The following FUT9 variants were observed in gnomAD, a reference collection of about 807,000 sequenced individuals.
FUT9 encodes the protein 4-galactosyl-N-acetylglucosaminide 3-alpha-L-fucosyltransferase 9.
FUT9 carries 15 observed loss-of-function variants against 29.7 expected under a neutral mutation model. The ratio of observed to expected loss-of-function variants is 0.51; its 90% CI spans 0.34 to 0.78. FUT9 has a LOEUF of 0.78. FUT9 is among the 30% of genes least tolerant of loss of function. FUT9 has a pLI of 0.01. For synonymous variants in FUT9, 169 were observed against 153.7 expected (o/e 1.10, Z -0.74); for missense variants, 319 against 425.4 (o/e 0.75, Z 2.20).
At chr6:96,142,456 G>A (rs931003805) in intron 2 of FUT9, among the ~76,000 whole-genome samples, 2 of 152,156 alleles carry the variant, frequency 1.3e-5, no homozygotes, top group East Asian at 3.9e-4. Context: ...AAGTGAACAA[G>A]AGGCCAAATA....
chr6:96,204,765 C>T lies in FUT9; in HGVS notation c.*530C>T, dbSNP rs1773796601. ...ATCTATTTTTTTTACCTGTTTATCA[C>T]ATTTGTGAAGGTGAAATTATTCATG... On this transcript the variant is annotated 3_prime_UTR_variant, in exon 3 of 3. Transcript: ENST00000302103. The T allele has an allele frequency of 6.0e-6, 1 of 166,802 alleles. No individual in the cohort carries two copies. The highest frequency in any genetic ancestry group is 1.5e-5 in the Non-Finnish European group (1 of 68,056). The allele number at this position is 166,802 out of a possible 1,614,324, so 10.3% of individuals were successfully genotyped here.
chr6:96,129,278 A>G (rs71534801), intron 2 of FUT9, among the ~76,000 whole-genome samples: 1 of 36,500 alleles, frequency 2.7e-5, no homozygotes, highest in Non-Finnish European at 8.5e-5. Context: ...AAAAAAAAAA[A>G]AAAAAAAAAA....
chr6:96,214,571 A>ATGAAGGGTT lies in FUT9; in HGVS notation c.*10339_*10347dup. Reference sequence around the variant, plus strand: ...AAAATAACAAAAATTATTCCATTTAATGAAGGGTTTGTTTTGTTTAGCTTT... The same window carrying ATGAAGGGTT: ...AAAATAACAAAAATTATTCCATTTAATGAAGGGTTTGAAGGGTTTGTTTTGTTTAGCTTT... On this transcript the variant is annotated 3_prime_UTR_variant, in exon 3 of 3. Transcript: ENST00000302103. 1 of 166,978 alleles carries ATGAAGGGTT rather than the reference A, an allele frequency of 6.0e-6. No homozygotes were observed. Among genetic ancestry groups the ATGAAGGGTT allele is most frequent in the African/African-American group, 2.4e-5 (1 of 41,568 alleles). The allele number at this position is 166,978 out of a possible 1,614,324, so 10.3% of individuals were successfully genotyped here.
intron 2 of FUT9, among the ~76,000 whole-genome samples, chr6:96,144,598 C>T (rs1344884609): frequency 6.6e-6 from 1 of 152,106 alleles, no homozygotes; most frequent in Admixed American, 6.5e-5. Context: ...ATTAAAAACA[C>T]CATGGATCTC....
At position 96,112,999 on chromosome 6, in the gene FUT9, G is replaced by A. The variant is rs1002397512; in HGVS notation, c.-97-1040G>A. On this transcript the variant is annotated intron_variant, in intron 1 of 2. Transcript: ENST00000302103. ...ATGACAGATGTTTAGGCAAATCATC[G>A]AATTATTTGATCTTTATATTTCTAA... Among the ~76,000 whole-genome samples the A allele has an allele frequency of 5.3e-5, 8 of 152,036 alleles. No individual in the cohort carries two copies. In the South Asian group the frequency reaches 6.2e-4, roughly 12 times the overall value.
At chr6:96,166,234 C>T (rs1773013942) in intron 2 of FUT9, among the ~76,000 whole-genome samples, 1 of 151,898 alleles carries the variant, frequency 6.6e-6, no homozygotes, top group Non-Finnish European at 1.5e-5. Flanking sequence ...TGGCTGAAAT[C>T]TTTCAGGTAA....
intron 2 of FUT9, among the ~76,000 whole-genome samples, chr6:96,159,776 G>T (rs1772862958): frequency 6.6e-6 from 1 of 152,084 alleles, no homozygotes; most frequent in South Asian, 2.1e-4. Flanking sequence ...TTTTATATAT[G>T]TCTCATATCA....
intron 1 of FUT9, among the ~76,000 whole-genome samples, chr6:96,050,231 C>A (rs1464497311): frequency 6.6e-6 from 1 of 152,110 alleles, no homozygotes; most frequent in Non-Finnish European, 1.5e-5. Flanking sequence ...AGAGCAGGGA[C>A]CTGTGTGAAT....
chr6:96,152,068 T>C (rs541666694), intron 2 of FUT9, among the ~76,000 whole-genome samples: 5 of 152,238 alleles, frequency 3.3e-5, no homozygotes, highest in African/African-American at 1.2e-4. Flanking sequence ...TTGAAACTGT[T>C]CCCATTTTTA....
chr6:96,170,202 T>C (rs745626323), intron 2 of FUT9, among the ~76,000 whole-genome samples: 1 of 152,124 alleles, frequency 6.6e-6, no homozygotes, highest in Non-Finnish European at 1.5e-5. Flanking sequence ...GTGAAATAAT[T>C]CAGGAAAATT....
chr6:96,116,572 T>C (rs1293971661), intron 2 of FUT9, among the ~76,000 whole-genome samples: 1 of 152,254 alleles, frequency 6.6e-6, no homozygotes, highest in African/African-American at 2.4e-5. Context: ...CAGACTGTGG[T>C]AAATCTATAA....
intron 2 of FUT9, among the ~76,000 whole-genome samples, chr6:96,152,776 C>T (rs1772701625): frequency 2.0e-5 from 3 of 152,108 alleles, no homozygotes; most frequent in South Asian, 2.1e-4. Flanking sequence ...TAATTTAATA[C>T]GATTGACCAT....
At chr6:96,179,871 A>G in intron 2 of FUT9, among the ~76,000 whole-genome samples, 1 of 152,156 alleles carries the variant, frequency 6.6e-6, no homozygotes, top group East Asian at 1.9e-4. Flanking sequence ...AGCTTATGAC[A>G]AAATAATTGT....
chr6:96,115,508 G>T (rs1391522375), intron 2 of FUT9, among the ~76,000 whole-genome samples: 2 of 152,152 alleles, frequency 1.3e-5, no homozygotes, highest in African/African-American at 2.4e-5. Context: ...ACATTTAAAA[G>T]TGTTCCAATA....
intron 2 of FUT9, among the ~76,000 whole-genome samples, chr6:96,123,298 A>T (rs1772067454): frequency 6.6e-6 from 1 of 152,142 alleles, no homozygotes; most frequent in African/African-American, 2.4e-5. Flanking sequence ...GGCTGTCAAT[A>T]TCTTAAACAA....
chr6:96,159,119 G>A (rs12198006), intron 2 of FUT9, among the ~76,000 whole-genome samples: 22,157 of 152,106 alleles, frequency 0.15, 1,799 homozygotes, highest in Non-Finnish European at 0.18. Flanking sequence ...ATATTTACAA[G>A]TAAAATTTTA....
chr6:96,035,747 AT>A (rs1250732163), intron 1 of FUT9, among the ~76,000 whole-genome samples: 4 of 133,902 alleles, frequency 3.0e-5, no homozygotes, highest in Non-Finnish European at 6.3e-5. Flanking sequence ...TATTATACTA[AT>A]ATAATATAAT....
chr6:96,042,857 T>C (rs1270894324), intron 1 of FUT9, among the ~76,000 whole-genome samples: 1 of 152,208 alleles, frequency 6.6e-6, no homozygotes, highest in African/African-American at 2.4e-5. Flanking sequence ...CAGGTAATTA[T>C]TAAGACTTAA....
chr6:96,110,728 C>A (rs1401989361), intron 1 of FUT9, among the ~76,000 whole-genome samples: 3 of 152,126 alleles, frequency 2.0e-5, no homozygotes, highest in African/African-American at 7.2e-5. Context: ...GTGGCATGAT[C>A]ATCTATAACC....
Sources: allele counts gnomAD v4.1 joint callset (sites outside exome capture counted in the v4.1 genomes callset), GRCh38; gene constraint gnomAD v4.1.1; transcripts MANE v1.5; gene names NCBI Gene and HGNC (gene_info 2026-07-23, HGNC 2026-07-21).